The following ACER1 variants were observed in gnomAD, a reference collection of about 807,000 sequenced individuals.
ACER1 encodes the protein CTB-180A7.3.
In ACER1, 28 loss-of-function variants were observed where a neutral mutation model predicts 24.9. The ratio of observed to expected loss-of-function variants is 1.13; its 90% confidence interval spans 0.83 to 1.54. The LOEUF is 1.54. ACER1 is among the 40% of genes most tolerant of loss of function. ACER1 has a pLI of 0.00. For synonymous variants in ACER1, 132 were observed against 131.4 expected, an observed-to-expected ratio of 1.00 and a Z score of -0.03; for missense variants, 352 against 349.3, an observed-to-expected ratio of 1.01 and a Z score of -0.06.
intron 1 of ACER1, among the ~76,000 whole-genome samples, chr19:6,326,827 C>T (rs1268710546): frequency 2.0e-5 from 3 of 151,738 alleles, no homozygotes; most frequent in African/African-American, 4.8e-5. Context: ...ACACAGGATA[C>T]GTTTCCAACA....
chr19:6,307,965 G>A (rs190047041), intron 4 of ACER1, among the ~76,000 whole-genome samples: 138 of 150,764 alleles, frequency 9.2e-4, no homozygotes, highest in African/African-American at 3.0e-3. Flanking sequence ...GGTGGTGGCC[G>A]CCTGTAATCC....
At chr19:6,316,783 G>A (rs561063497) in intron 1 of ACER1, among the ~76,000 whole-genome samples, 79 of 144,756 alleles carry the variant, frequency 5.5e-4, no homozygotes, top group Admixed American at 1.6e-3. Flanking sequence ...TCGCACCACT[G>A]CACACCAGTC....
At chr19:6,329,268 T>C (rs1035091326) in intron 1 of ACER1, among the ~76,000 whole-genome samples, 3 of 152,144 alleles carry the variant, frequency 2.0e-5, no homozygotes, top group African/African-American at 7.2e-5. Flanking sequence ...AGAAGCGTTT[T>C]GGAGGAGAAG....
At chr19:6,342,722 A>AAAAT in the ACER1 span, among the ~76,000 whole-genome samples, 1 of 152,072 alleles carries the variant, frequency 6.6e-6, no homozygotes, top group Non-Finnish European at 1.5e-5. Flanking sequence ...CAATCTCAAA[A>AAAAT]AAATAAATAA....
chr19:6,330,951 T>G (rs778966116), intron 1 of ACER1, among the ~76,000 whole-genome samples: 1 of 149,612 alleles, frequency 6.7e-6, no homozygotes, highest in Non-Finnish European at 1.5e-5. Flanking sequence ...TCTCCTGGAC[T>G]CACCAAGTTT....
At chr19:6,307,346 C>T in intron 4 of ACER1, 56 bp from the exon 5 acceptor site, 1 of 1,588,150 alleles carries the variant, frequency 6.3e-7, no homozygotes, top group South Asian at 1.1e-5. Flanking sequence ...CCTGATGGGG[C>T]TGATGGGAAA....
chr19:6,308,594 A>G (rs989724433), intron 4 of ACER1, among the ~76,000 whole-genome samples: 3 of 152,286 alleles, frequency 2.0e-5, no homozygotes, highest in East Asian at 1.9e-4. Context: ...TTCTGACTGC[A>G]TAGTATTTAT....
intron 1 of ACER1, 109 bp from the exon 2 acceptor site, chr19:6,312,608 C>T (rs1305773598): frequency 1.3e-5 from 10 of 766,084 alleles, no homozygotes; most frequent in Non-Finnish European, 2.3e-5. Flanking sequence ...TGCTGCATTT[C>T]AGGCAATGCA....
chr19:6,310,413 A>C (rs553196223), intron 3 of ACER1, among the ~76,000 whole-genome samples: 39 of 152,150 alleles, frequency 2.6e-4, no homozygotes, highest in African/African-American at 8.7e-4. Context: ...TCTGCTAAAA[A>C]TACAAAATTT....
chr19:6,343,334 C>A, the ACER1 span, among the ~76,000 whole-genome samples: 1 of 152,170 alleles, frequency 6.6e-6, no homozygotes, highest in African/African-American at 2.4e-5. Flanking sequence ...ATTTAGCAAT[C>A]CAGGCCCCTT....
At chr19:6,314,539 G>A (rs1052058028) in intron 1 of ACER1, among the ~76,000 whole-genome samples, 1 of 151,218 alleles carries the variant, frequency 6.6e-6, no homozygotes, top group African/African-American at 2.4e-5. Context: ...CCGACGTGCT[G>A]ACATCAGACT....
intron 4 of ACER1, among the ~76,000 whole-genome samples, chr19:6,308,641 G>A (rs994951810): frequency 6.6e-5 from 10 of 152,174 alleles, no homozygotes; most frequent in East Asian, 1.9e-4. Context: ...TGTATGTTTT[G>A]GGGTAGAGGT....
chr19:6,331,851 C>T (rs1052099074), intron 1 of ACER1, among the ~76,000 whole-genome samples: 9 of 152,136 alleles, frequency 5.9e-5, no homozygotes, highest in Middle Eastern at 3.2e-3. Context: ...CCCATCATTC[C>T]CAGGGCTCCA....
intron 1 of ACER1, among the ~76,000 whole-genome samples, chr19:6,320,284 C>A (rs947919399): frequency 2.6e-5 from 4 of 152,034 alleles, no homozygotes; most frequent in South Asian, 2.1e-4. Context: ...GTTGGAGGGA[C>A]GAAGTGTGCA....
At chr19:6,314,930 C>T (rs189144463) in intron 1 of ACER1, among the ~76,000 whole-genome samples, 1,665 of 151,720 alleles carry the variant, frequency 0.011, 40 homozygotes, top group African/African-American at 0.039. Context: ...ATTGCTCTGT[C>T]GCCCAGGCTG....
upstream of ACER1, among the ~76,000 whole-genome samples, chr19:6,337,757 G>T (rs1402101002): frequency 7.8e-6 from 1 of 128,906 alleles, no homozygotes; most frequent in Non-Finnish European, 1.6e-5. Context: ...CTCACTGCAA[G>T]CTCCGCCTCC....
chr19:6,334,712 G>C (rs1275011612), upstream of ACER1, among the ~76,000 whole-genome samples: 1 of 151,650 alleles, frequency 6.6e-6, no homozygotes. Context: ...TCCTCTGTTT[G>C]CTCACCTGTC....
At chr19:6,339,978 T>C in the ACER1 span, among the ~76,000 whole-genome samples, 3 of 151,432 alleles carry the variant, frequency 2.0e-5, no homozygotes, top group African/African-American at 4.8e-5. Context: ...TTTAGGTTTT[T>C]AAAAGAGGGG....
At chr19:6,336,902 A>G (rs2091716729), upstream of ACER1, among the ~76,000 whole-genome samples, 1 of 151,680 alleles carries the variant, frequency 6.6e-6, no homozygotes, top group Non-Finnish European at 1.5e-5. Flanking sequence ...CTGGCCGGGC[A>G]TGGTGGCTCA....
Sources: gnomAD v4.1 joint callset for allele counts (sites outside exome capture counted in the v4.1 genomes callset) on GRCh38, gnomAD v4.1.1 for gene constraint, MANE v1.5 for transcripts, NCBI Gene and HGNC (gene_info 2026-07-23, HGNC 2026-07-21) for gene names.